The following NAGK variants were observed in gnomAD, a reference collection of about 807,000 sequenced individuals.
NAGK encodes N-acetylglucosamine kinase, also known as N-acetyl-D-glucosamine kinase.
NAGK carries 35 observed loss-of-function variants against 42.9 expected under a neutral mutation model. The ratio of observed to expected loss-of-function variants is 0.82; its 90% CI spans 0.62 to 1.08. The LOEUF (loss-of-function observed/expected upper bound fraction) is 1.08, where lower values mean the gene tolerates loss of function less well. Among genes scored for constraint, NAGK ranks in the 50% least tolerant of loss-of-function variants. The pLI, the probability that NAGK is intolerant of heterozygous loss-of-function variation, is 0.00. For missense variants in NAGK, 446 were observed against 446.0 expected, an observed-to-expected ratio of 1.00 and a Z score of 0.00; for synonymous variants, 172 against 176.0, an observed-to-expected ratio of 0.98 and a Z score of 0.18.
At chr2:71,072,998 C>T (rs949894518) in intron 5 of NAGK, 2 of 544,322 alleles carry the variant, frequency 3.7e-6, no homozygotes, top group African/African-American at 3.8e-5. Flanking sequence ...GCACAGGGGC[C>T]TGCCTGTGTT....
chr2:71,070,251 G>A (rs976909784), intron 1 of NAGK: 18 of 393,968 alleles, frequency 4.6e-5, no homozygotes, highest in South Asian at 2.1e-4. Context: ...AAAAGGTTTC[G>A]AGGACTAGGT....
At chr2:71,075,739 T>A in intron 7 of NAGK, 97 bp downstream of exon 7, 1 of 1,237,170 alleles carries the variant, frequency 8.1e-7, no homozygotes, top group Non-Finnish European at 1.2e-6. Flanking sequence ...ACAACAATTT[T>A]CCTCTCACCA....
chr2:71,076,650 T>G lies in NAGK; in HGVS notation c.714T>G (p.Ala238=). Residue 238 remains alanine, a synonymous_variant, in exon 8 of 10, where the codon GCT becomes GCG. Transcript: ENST00000244204. ...TTTCCCGCTATATCTTCAGGAAGGC[T>G]GGGGAGATGCTGGGCAGACACATCG... ...DPLSRYIFRK[A]GEMLGRHIVA... The G allele has an allele frequency of 6.2e-7, 1 of 1,613,988 alleles. No individual in the cohort carries two copies. Among genetic ancestry groups the G allele is most frequent in the South Asian group, 1.1e-5 (1 of 91,070 alleles).
In NAGK at chr2:71,071,902, C is replaced by T. The variant is rs1022741472; in HGVS notation, c.355+75C>T. ...AGCCCCTTAGATATAGCTGACAAAA[C>T]TTGTTCTGCAAATATCCAGAAGGCA... On this transcript the variant is annotated intron_variant, in intron 4 of 9. Coordinates refer to ENST00000244204, the MANE Select transcript of NAGK (RefSeq NM_017567.6). 7 of 1,559,534 alleles carry T rather than the reference C, an allele frequency of 4.5e-6. No homozygotes were observed. In the African/African-American group the frequency reaches 8.1e-5, roughly 18 times the overall value.
intron 1 of NAGK, chr2:71,069,069 A>T: frequency 9.6e-7 from 1 of 1,037,230 alleles, no homozygotes; most frequent in Non-Finnish European, 1.2e-6. Context: ...CAGGTGTGAA[A>T]TTGCTGAGCG....
intron 1 of NAGK, 46 bp from the exon 2 acceptor site, chr2:71,070,456 T>C: frequency 6.5e-7 from 1 of 1,532,900 alleles, no homozygotes; most frequent in African/African-American, 1.4e-5. Flanking sequence ...TAGCTCTCTC[T>C]GTGGGTTTTT....
At chr2:71,070,984 G>C in intron 3 of NAGK, 145 bp downstream of exon 3, 1 of 809,756 alleles carries the variant, frequency 1.2e-6, no homozygotes. Flanking sequence ...ATCTCACCCA[G>C]TCTCATGGCT....
chr2:71,075,648 G>A lies in NAGK; in HGVS notation c.667+6G>A, dbSNP rs1558729381. 1 of 1,608,848 alleles carries A rather than the reference G, an allele frequency of 6.2e-7. No individual in the cohort carries two copies. Among genetic ancestry groups the A allele is most frequent in the East Asian group, 2.2e-5 (1 of 44,850 alleles). The stretch of plus-strand genomic sequence containing the variant: ...TTGCCGGAAAATTGCAGAAGGTACT[G>A]GAGGTGGGGGGTGGGTTTTATCTGG... On this transcript the variant is annotated splice_donor_region_variant and intron_variant, in intron 7 of 9. Transcript: ENST00000244204.
At chr2:71,073,741 G>A (rs1672114739) in intron 6 of NAGK, 147 bp downstream of exon 6, 2 of 733,322 alleles carry the variant, frequency 2.7e-6, no homozygotes, top group Admixed American at 3.8e-5. Context: ...AGTCATAGGT[G>A]AGGACAGGGT....
intron 2 of NAGK, 63 bp from the exon 3 acceptor site, chr2:71,070,678 C>G: frequency 6.2e-7 from 1 of 1,607,618 alleles, no homozygotes. Context: ...CACAGAGCAG[C>G]CTGTGGGGGC....
At chr2:71,073,320 T>TCCCCCCCCCCCCCCCC in intron 5 of NAGK, 162 bp from the exon 6 acceptor site, 5 of 391,480 alleles carry the variant, frequency 1.3e-5, no homozygotes, top group South Asian at 5.9e-5. Context: ...ATAGAGACCC[T>TCCCCCCCCCCCCCCCC]CCCACCCCCC....
chr2:71,077,691 G>A, intron 9 of NAGK, 55 bp downstream of exon 9: 10 of 1,551,220 alleles, frequency 6.4e-6, no homozygotes, highest in Non-Finnish European at 8.7e-6. Flanking sequence ...CTGGAAAGGA[G>A]GTGGCCCAGG....
chr2:71,071,315 C>G (rs1390913199), intron 3 of NAGK: 4 of 301,584 alleles, frequency 1.3e-5, no homozygotes, highest in Non-Finnish European at 2.5e-5. Context: ...CAGCTACTCC[C>G]TGGACATATA....
At chr2:71,068,626 G>C, upstream of NAGK, 4 of 1,524,194 alleles carry the variant, frequency 2.6e-6, no homozygotes, top group Non-Finnish European at 2.6e-6. Flanking sequence ...TGGAGGGAAG[G>C]AGGTGTCAGG....
At chr2:71,070,435 CA>C (rs1488608452) in intron 1 of NAGK, 66 bp from the exon 2 acceptor site, 3 of 1,395,690 alleles carry the variant, frequency 2.1e-6, no homozygotes, top group Non-Finnish European at 3.0e-6. Context: ...CCAGTGTGGA[CA>C]GCACAAGCTT....
chr2:71,073,343 T>A, intron 5 of NAGK, 139 bp from the exon 6 acceptor site: 3 of 171,712 alleles, frequency 1.7e-5, no homozygotes, highest in East Asian at 2.2e-4. Context: ...TCCCACCCCC[T>A]GCCACCCCTG....
intron 8 of NAGK, 150 bp downstream of exon 8, chr2:71,076,851 T>C (rs771856254): frequency 7.1e-6 from 5 of 703,872 alleles, no homozygotes; most frequent in Non-Finnish European, 1.2e-5. Flanking sequence ...AGAATGTCTG[T>C]AACAAAAAAG....
intron 6 of NAGK, chr2:71,074,634 G>C (rs1672144780): frequency 6.6e-6 from 1 of 152,312 alleles, no homozygotes; most frequent in Non-Finnish European, 1.5e-5. Flanking sequence ...TATTCTGGGG[G>C]CTGGGCACGG....
At chr2:71,074,987 G>A (rs1378749965) in intron 6 of NAGK, 2 of 152,412 alleles carry the variant, frequency 1.3e-5, no homozygotes, top group Non-Finnish European at 2.9e-5. Flanking sequence ...AGATGTATAA[G>A]TTTGTTGGGA....
Sources: allele counts gnomAD v4.1 joint callset, GRCh38; gene constraint gnomAD v4.1.1; transcripts MANE v1.5; gene names NCBI Gene and HGNC (gene_info 2026-07-23, HGNC 2026-07-21).